The following LINS1 variants were observed in gnomAD, a reference collection of about 807,000 sequenced individuals.
LINS1 encodes protein Lines homolog 1.
In LINS1, 27 loss-of-function variants were observed where a neutral mutation model predicts 41.6. The observed-to-expected ratio is 0.65, with a 90% CI of 0.48 to 0.89. The LOEUF (loss-of-function observed/expected upper bound fraction) is 0.89. LINS1 is among the 40% of genes least tolerant of loss of function. LINS1 has a pLI of 0.00. For missense variants in LINS1, 955 were observed against 884.1 expected (o/e 1.08, Z -1.02); for synonymous variants, 336 against 312.9 (o/e 1.07, Z -0.78).
intron 1 of LINS1, among the ~76,000 whole-genome samples, chr15:100,601,750 C>T (rs187916107): frequency 2.0e-5 from 3 of 152,246 alleles, no homozygotes; most frequent in Admixed American, 2.0e-4. Flanking sequence ...GCTTAACAAA[C>T]GTGTCTTGAT....
At chr15:100,572,157 T>G in intron 5 of LINS1, 92 bp from the exon 6 acceptor site, 1 of 1,554,536 alleles carries the variant, frequency 6.4e-7, no homozygotes, top group African/African-American at 1.4e-5. Flanking sequence ...CTAAAGTACC[T>G]TAAGATGCAA....
At chr15:100,588,441 T>C (rs1206812041) in intron 1 of LINS1, among the ~76,000 whole-genome samples, 1 of 152,232 alleles carries the variant, frequency 6.6e-6, no homozygotes, top group Non-Finnish European at 1.5e-5. Flanking sequence ...AAATATTTTG[T>C]CAGAAAAGTA....
At chr15:100,580,130 CAGG>C in intron 3 of LINS1, 130 bp downstream of exon 3, 1 of 706,358 alleles carries the variant, frequency 1.4e-6, no homozygotes, top group Non-Finnish European at 2.5e-6. Flanking sequence ...GAGGCTGAGG[CAGG>C]AGGATTGCTT....
chr15:100,573,756 G>C lies in LINS1; in HGVS notation c.1117C>G (p.Leu373Val). The C allele has an allele frequency of 6.2e-7, 1 of 1,614,018 alleles. No homozygotes were observed. Among genetic ancestry groups the C allele is most frequent in the East Asian group, 2.2e-5 (1 of 44,884 alleles). Residue 373 changes from leucine (L) to valine (V), a missense_variant, in exon 5 of 7, where the codon CTT becomes GTT. Transcript: ENST00000314742. ...ATCACATGATCTGGACTAGTGATAA[G>C]TTCACATTCAGGTTGAACTTCATCA... ...GGDEVQPECE[L>V]ITSPDHVILR...
intron 3 of LINS1, among the ~76,000 whole-genome samples, chr15:100,575,872 A>C (rs2038143407): frequency 6.6e-6 from 1 of 152,204 alleles, no homozygotes; most frequent in South Asian, 2.1e-4. Context: ...TAAGAAACTC[A>C]CTCAAAACCA....
chr15:100,571,801 T>C, intron 6 of LINS1, 93 bp downstream of exon 6: 1 of 1,437,910 alleles, frequency 7.0e-7, no homozygotes, highest in Non-Finnish European at 9.7e-7. Context: ...CCCCAAATGA[T>C]GAAAGTAAGC....
chr15:100,575,182 A>C, intron 3 of LINS1, 54 bp from the exon 4 acceptor site: 2 of 1,412,120 alleles, frequency 1.4e-6, no homozygotes, highest in Non-Finnish European at 9.9e-7. Flanking sequence ...TCTTTACATA[A>C]TACAACTGTA....
chr15:100,577,710 T>C (rs1049120418), intron 3 of LINS1, among the ~76,000 whole-genome samples: 10 of 152,224 alleles, frequency 6.6e-5, no homozygotes, highest in Admixed American at 3.3e-4. Flanking sequence ...GAGCCTGCAT[T>C]GCCAAGTCAA....
rs375612811 is a variant in LINS1 at position 100,574,415 on chromosome 15, A to C, written c.632-174T>G. Among the ~76,000 whole-genome samples the C allele has an allele frequency of 1.7e-4, 26 of 152,366 alleles. No individual in the cohort carries two copies. In the East Asian group the frequency reaches 4.2e-3, roughly 25 times the overall value. On this transcript the variant is annotated intron_variant, in intron 4 of 6. Transcript: ENST00000314742. ...TTAATGGGTAAGAACCACGGTTAAA[A>C]TTCATTTTATGGCTGGGTGTGGTGG... is the stretch of plus-strand genomic sequence containing the variant.
intron 6 of LINS1, among the ~76,000 whole-genome samples, chr15:100,571,580 G>C (rs577900535): frequency 1.3e-5 from 2 of 152,156 alleles, no homozygotes; most frequent in Non-Finnish European, 2.9e-5. Context: ...TAAGTCTTAG[G>C]GGTGAAAAGA....
At chr15:100,572,208 A>G in intron 5 of LINS1, 143 bp from the exon 6 acceptor site, 1 of 1,486,050 alleles carries the variant, frequency 6.7e-7, no homozygotes, top group Non-Finnish European at 8.9e-7. Context: ...GGAATCAGTT[A>G]GGAAGCATCT....
rs770199512 is a variant in LINS1 at position 100,569,743 on chromosome 15, T to C, written c.1769A>G (p.His590Arg). ...PHSHRDVCARHSWASDAPSEP... is the reference protein window; with the variant it reads ...PHSHRDVCARRSWASDAPSEP... Reference sequence around the variant, plus strand: ...AGAGGGAGCATCGGAAGCCCAGGAGTGCCGAGCACACACATCTCTGTGACT... The same window carrying C: ...AGAGGGAGCATCGGAAGCCCAGGAGCGCCGAGCACACACATCTCTGTGACT... The change falls in exon 7 of 7, where the codon CAC (histidine) becomes CGC (arginine). Residue 590 changes from histidine (H) to arginine (R), a missense_variant. Physicochemically the swap from His to Arg is conservative, Grantham distance 29 (BLOSUM62 0). Transcript: ENST00000314742. The C allele has an allele frequency of 1.2e-5, 20 of 1,613,228 alleles. No individual in the cohort carries two copies. Among genetic ancestry groups the C allele is most frequent in the Non-Finnish European group, 1.6e-5 (19 of 1,179,648 alleles).
In LINS1 at chr15:100,583,394, T is replaced by C. The variant is rs2038658970; in HGVS notation, c.-103-2449A>G. ...ACAAAGCTGCCCTGTTTTAGTCCTT[T>C]CATGGAGAAATAAATATTAAGAAAC... On this transcript the variant is annotated intron_variant, in intron 1 of 6. Transcript: ENST00000314742. Among the ~76,000 whole-genome samples, 7 of 152,372 alleles carry C rather than the reference T, an allele frequency of 4.6e-5. No individual in the cohort carries two copies. The South Asian group carries it at 1.4e-3, about 32-fold the overall frequency.
intron 1 of LINS1, chr15:100,586,402 G>C (rs920554615): frequency 6.6e-6 from 1 of 152,178 alleles, no homozygotes; most frequent in African/African-American, 2.4e-5. Context: ...TAAATGCTTT[G>C]AGCTATTTTT....
intron 1 of LINS1, among the ~76,000 whole-genome samples, chr15:100,593,217 C>T (rs560939091): frequency 3.3e-5 from 5 of 152,260 alleles, no homozygotes; most frequent in African/African-American, 1.2e-4. Flanking sequence ...TTTCTCTAGC[C>T]TGGAAACAAA....
intron 3 of LINS1, among the ~76,000 whole-genome samples, chr15:100,576,884 T>G (rs2038218731): frequency 6.6e-6 from 1 of 152,194 alleles, no homozygotes; most frequent in Admixed American, 6.5e-5. Flanking sequence ...TGCAAATCAG[T>G]AAATGTAATC....
chr15:100,582,552 T>C (rs1596929216), intron 1 of LINS1, among the ~76,000 whole-genome samples: 1 of 135,894 alleles, frequency 7.4e-6, no homozygotes, highest in African/African-American at 2.8e-5. Context: ...CCGTCTACAC[T>C]ATGGCCCACT....
Position 100,567,729 on chromosome 15 carries a change from A to C in LINS1, c.*1509T>G, listed in dbSNP as rs2037606950. 6.6e-6 allele frequency: 1 copy of C among 152,246 alleles called. No individual in the cohort carries two copies. Among genetic ancestry groups the C allele is most frequent in the Non-Finnish European group, 1.5e-5 (1 of 68,042 alleles). 9.4% of individuals were successfully genotyped at this position (152,246 alleles called of 1,614,324 possible). On this transcript the variant is annotated 3_prime_UTR_variant, in exon 7 of 7. Transcript: ENST00000314742. ...TTTGACGTGCTTTTTCAATTACGGTAGAAACTGCCTTAACGCATAGCCTCA... is the reference window on the plus strand; with the variant it reads ...TTTGACGTGCTTTTTCAATTACGGTCGAAACTGCCTTAACGCATAGCCTCA...
rs751482595 is a variant in LINS1, at chr15:100,574,107, G to T, written c.766C>A (p.Leu256Ile). The T allele has an allele frequency of 2.5e-6, 4 of 1,614,020 alleles. No homozygotes were observed. The East Asian group carries it at 8.9e-5, about 36-fold the overall frequency. The change falls in exon 5 of 7, where the codon CTT (leucine) becomes ATT (isoleucine). Residue 256 changes from leucine to isoleucine, a missense_variant. Coordinates refer to ENST00000314742, the MANE Select transcript of LINS1 (RefSeq NM_001040616.3). ...ATTCTGGAGGCGATGAGAAGCTCAAGCAAATCCAGGAAACACATCAGGATG... is the reference window on the plus strand; with the variant it reads ...ATTCTGGAGGCGATGAGAAGCTCAATCAAATCCAGGAAACACATCAGGATG... ...VNILMCFLDL[L>I]ELLIASRIHL... is the part of the protein sequence containing the mutation.
Sources: gnomAD v4.1 joint callset for allele counts (sites outside exome capture counted in the v4.1 genomes callset) on GRCh38, gnomAD v4.1.1 for gene constraint, MANE v1.5 for transcripts, NCBI Gene and HGNC (gene_info 2026-07-23, HGNC 2026-07-21) for gene names.